The following RASAL2 variants were observed in gnomAD, a reference collection of about 807,000 sequenced individuals.
The protein encoded by RASAL2 is RAS protein activator like 2.
A neutral mutation model predicts 128.9 loss-of-function variants in RASAL2; 58 were observed. The observed-to-expected ratio is 0.45, with a 90% CI of 0.36 to 0.56. RASAL2 has a LOEUF of 0.56. Among genes scored for constraint, RASAL2 ranks in the 20% least tolerant of loss-of-function variants. The pLI is 0.00. For missense variants in RASAL2, 1,360 were observed against 1,601.6 expected (o/e 0.85, Z 2.57); for synonymous variants, 561 against 580.8 (o/e 0.97, Z 0.49).
intron 3 of RASAL2, among the ~76,000 whole-genome samples, chr1:178,337,409 A>G (rs1669640698): frequency 6.6e-6 from 1 of 152,210 alleles, no homozygotes; most frequent in Non-Finnish European, 1.5e-5. Context: ...TTGTCATTCA[A>G]ATGATAAACA....
chr1:178,449,221 C>A (rs1474058739), intron 9 of RASAL2, among the ~76,000 whole-genome samples: 1 of 152,136 alleles, frequency 6.6e-6, no homozygotes, highest in Non-Finnish European at 1.5e-5. Context: ...TCTTTCTGCA[C>A]AGACTCTGCA....
intron 3 of RASAL2, among the ~76,000 whole-genome samples, chr1:178,350,627 T>C (rs1448547172): frequency 6.6e-6 from 1 of 152,180 alleles, no homozygotes; most frequent in Non-Finnish European, 1.5e-5. Flanking sequence ...CACACTCGTA[T>C]CTGGAGCTCA....
rs901479775 is a variant in RASAL2, at chr1:178,442,669, T to A, written c.928-6T>A. The A allele has an allele frequency of 1.9e-6, 3 of 1,594,478 alleles. No homozygotes were observed. Among genetic ancestry groups the A allele is most frequent in the Non-Finnish European group, 2.6e-6 (3 of 1,171,690 alleles). On this transcript the variant is annotated splice_polypyrimidine_tract_variant and splice_region_variant and intron_variant, in intron 7 of 17. Transcript: ENST00000367649. The stretch of plus-strand genomic sequence containing the variant: ...TCTGAAATTCAGCTTTGTTGCCTCT[T>A]TATAGGACAATTGCAGGCGAGCTGA...
chr1:178,390,938 G>A (rs1176286637), intron 4 of RASAL2, among the ~76,000 whole-genome samples: 2 of 151,976 alleles, frequency 1.3e-5, no homozygotes, highest in Non-Finnish European at 1.5e-5. Context: ...AGAGAGTGAC[G>A]AGACTCAGAA....
At chr1:178,205,326 A>T (rs1387038160) in intron 1 of RASAL2, among the ~76,000 whole-genome samples, 1 of 152,136 alleles carries the variant, frequency 6.6e-6, no homozygotes, top group Non-Finnish European at 1.5e-5. Flanking sequence ...TTATAGAAAA[A>T]TACATGCTTG....
intron 1 of RASAL2, among the ~76,000 whole-genome samples, chr1:178,238,461 C>G (rs1408007236): frequency 6.6e-6 from 1 of 152,068 alleles, no homozygotes; most frequent in Non-Finnish European, 1.5e-5. Context: ...TATTCTGCCT[C>G]CAGAATAATG....
intron 3 of RASAL2, chr1:178,341,400 G>A (rs1268214948): frequency 1.7e-5 from 24 of 1,380,286 alleles, no homozygotes; most frequent in Admixed American, 6.3e-5. Context: ...GATTGGGGGC[G>A]GGGTTGGGGC....
At chr1:178,451,810 A>G in intron 10 of RASAL2, 95 bp downstream of exon 10, 2 of 1,433,958 alleles carry the variant, frequency 1.4e-6, no homozygotes, top group Non-Finnish European at 1.9e-6. Flanking sequence ...CACAATGTTA[A>G]CAATTATTTT....
chr1:178,353,453 C>G (rs985546377), intron 3 of RASAL2, among the ~76,000 whole-genome samples: 5 of 152,190 alleles, frequency 3.3e-5, no homozygotes, highest in African/African-American at 9.7e-5. Flanking sequence ...AGTTCCTCAT[C>G]TCCATCTGAG....
At chr1:178,235,433 T>C (rs1338905013) in intron 1 of RASAL2, among the ~76,000 whole-genome samples, 1 of 152,190 alleles carries the variant, frequency 6.6e-6, no homozygotes, top group Non-Finnish European at 1.5e-5. Flanking sequence ...TAAGGAAATA[T>C]AAAATGTAAT....
chr1:178,234,027 G>T (rs1234819758), intron 1 of RASAL2, among the ~76,000 whole-genome samples: 2 of 152,280 alleles, frequency 1.3e-5, no homozygotes, highest in Admixed American at 1.3e-4. Context: ...TTAAAAAAGT[G>T]ATCATCACTG....
Position 178,172,125 on chromosome 1 carries a change from A to C in RASAL2, c.202+77431A>C, listed in dbSNP as rs1307212967. On this transcript the variant is annotated intron_variant, in intron 1 of 17. Coordinates refer to ENST00000367649, the MANE Select transcript of RASAL2 (RefSeq NM_170692.4). ...TGTTTGGAGAGGTTGTCCATGAAAA[A>C]TTAATAGGAGATGAAAGACATGTCT... is the stretch of plus-strand genomic sequence containing the variant. Among the ~76,000 whole-genome samples the C allele has an allele frequency of 2.0e-5, 3 of 152,022 alleles. No individual in the cohort carries two copies. The East Asian group carries it at 5.8e-4, about 29-fold the overall frequency.
At chr1:178,321,891 G>T (rs1308178583) in intron 3 of RASAL2, among the ~76,000 whole-genome samples, 1 of 151,930 alleles carries the variant, frequency 6.6e-6, no homozygotes, top group Admixed American at 6.6e-5. Context: ...GGGAGGCTGA[G>T]GCAGGAGAAT....
chr1:178,243,887 C>G (rs1664640498), intron 1 of RASAL2, among the ~76,000 whole-genome samples: 1 of 152,146 alleles, frequency 6.6e-6, no homozygotes, highest in Non-Finnish European at 1.5e-5. Context: ...TTGTCTGGCC[C>G]AAGACTTTTT....
rs544556262 is a variant in RASAL2, at chr1:178,420,636, T to C, written c.674+16T>C. 3.2e-6 allele frequency: 5 copies of C among 1,556,076 alleles called. No individual in the cohort carries two copies. In the East Asian group the frequency reaches 1.1e-4, roughly 35 times the overall value. ...CAGATGACAGGTAGGAAGTTAACTTTCTTAAAACAAAAAAAGCAGTTTGAG... is the reference window on the plus strand; with the variant it reads ...CAGATGACAGGTAGGAAGTTAACTTCCTTAAAACAAAAAAAGCAGTTTGAG... On this transcript the variant is annotated intron_variant, in intron 5 of 17. Coordinates refer to ENST00000367649, the MANE Select transcript of RASAL2 (RefSeq NM_170692.4).
chr1:178,402,142 G>A (rs1673666409), intron 4 of RASAL2, among the ~76,000 whole-genome samples: 1 of 152,182 alleles, frequency 6.6e-6, no homozygotes, highest in South Asian at 2.1e-4. Flanking sequence ...TAGGCTGGGT[G>A]TGTTGGCTCA....
intron 2 of RASAL2, among the ~76,000 whole-genome samples, chr1:178,296,127 GTATA>G (rs1381677199): frequency 7.2e-6 from 1 of 138,062 alleles, no homozygotes; most frequent in Non-Finnish European, 1.5e-5. Flanking sequence ...ATATATATGT[GTATA>G]TATATGTGTG....
At chr1:178,311,903 T>TA (rs1166978485) in intron 3 of RASAL2, among the ~76,000 whole-genome samples, 3 of 151,894 alleles carry the variant, frequency 2.0e-5, no homozygotes, top group Admixed American at 1.3e-4. Context: ...CAGAAAACTT[T>TA]AAAAAAATGA....
chr1:178,164,512 T>TGC (rs1661450221), intron 1 of RASAL2, among the ~76,000 whole-genome samples: 1 of 150,382 alleles, frequency 6.6e-6, no homozygotes, highest in African/African-American at 2.5e-5. Context: ...TGTGCGTGTG[T>TGC]GTGTGTGTGT....
Sources: allele counts gnomAD v4.1 joint callset (sites outside exome capture counted in the v4.1 genomes callset), GRCh38; gene constraint gnomAD v4.1.1; transcripts MANE v1.5; gene names NCBI Gene and HGNC (gene_info 2026-07-23, HGNC 2026-07-21).